The following SNTG2 variants were observed in gnomAD, a reference collection of about 807,000 sequenced individuals.
SNTG2 encodes gamma-2-syntrophin.
A neutral mutation model predicts 70.9 loss-of-function variants in SNTG2; 74 were observed. That is an observed-to-expected ratio of 1.04 (90% CI 0.86 to 1.27). The LOEUF is 1.27. Ranked by LOEUF, SNTG2 falls within the 50% of genes most tolerant of loss-of-function variation. The probability of loss-of-function intolerance (pLI) is 0.00; values close to 1 mark genes in which losing one functional copy is unlikely to be tolerated. For synonymous variants in SNTG2, 278 were observed against 273.8 expected, an observed-to-expected ratio of 1.02 and a Z score of -0.15; for missense variants, 717 against 690.7, an observed-to-expected ratio of 1.04 and a Z score of -0.43.
intron 4 of SNTG2, among the ~76,000 whole-genome samples, chr2:1,104,532 CAT>C (rs1360087765): frequency 1.3e-5 from 2 of 152,184 alleles, no homozygotes; most frequent in Non-Finnish European, 2.9e-5. Flanking sequence ...CTAATGTGCA[CAT>C]GTTTACCTAA....
At chr2:1,128,407 C>A (rs541397690) in intron 4 of SNTG2, among the ~76,000 whole-genome samples, 1 of 152,042 alleles carries the variant, frequency 6.6e-6, no homozygotes, top group Non-Finnish European at 1.5e-5. Context: ...AAAATGTATT[C>A]CATGGATTTG....
chr2:1,252,558 G>C (rs997825813), intron 12 of SNTG2, among the ~76,000 whole-genome samples: 1 of 152,166 alleles, frequency 6.6e-6, no homozygotes, highest in African/African-American at 2.4e-5. Flanking sequence ...GCCTGTGCTG[G>C]GCTCCTGCTG....
intron 16 of SNTG2, among the ~76,000 whole-genome samples, chr2:1,361,300 G>A (rs746886732): frequency 6.6e-6 from 1 of 151,518 alleles, no homozygotes; most frequent in African/African-American, 2.4e-5. Context: ...TGTGTAGCAC[G>A]AAATTCTCAT....
At chr2:1,001,796 C>T (rs923079634) in intron 1 of SNTG2, among the ~76,000 whole-genome samples, 1 of 151,942 alleles carries the variant, frequency 6.6e-6, no homozygotes, top group African/African-American at 2.4e-5. Flanking sequence ...AAAAAAGAGG[C>T]TGAATAGCCA....
chr2:1,296,521 C>T (rs1234782105), intron 14 of SNTG2, among the ~76,000 whole-genome samples: 2 of 152,218 alleles, frequency 1.3e-5, no homozygotes, highest in South Asian at 2.1e-4. Flanking sequence ...ATTAGTAAAA[C>T]TGAAAAATAC....
intron 9 of SNTG2, among the ~76,000 whole-genome samples, chr2:1,212,908 G>A (rs894706239): frequency 6.6e-6 from 1 of 152,138 alleles, no homozygotes; most frequent in African/African-American, 2.4e-5. Flanking sequence ...AATCAAACAG[G>A]TTTTAGAATC....
chr2:1,238,041 C>T (rs777031259), intron 10 of SNTG2, 24 bp downstream of exon 10: 1 of 1,599,376 alleles, frequency 6.3e-7, no homozygotes, highest in Non-Finnish European at 8.5e-7. Flanking sequence ...GTTTCTGAGT[C>T]TCTGCTGATG....
At chr2:979,299 T>G (rs1293553362) in intron 1 of SNTG2, among the ~76,000 whole-genome samples, 2 of 152,200 alleles carry the variant, frequency 1.3e-5, no homozygotes, top group South Asian at 2.1e-4. Flanking sequence ...CATTCCCCAG[T>G]ATTTAACAGT....
At chr2:1,112,125 T>C (rs867504071) in intron 4 of SNTG2, among the ~76,000 whole-genome samples, 8 of 151,436 alleles carry the variant, frequency 5.3e-5, no homozygotes, top group Non-Finnish European at 1.2e-4. Context: ...GATAATCATG[T>C]ATACTAAGTG....
intron 14 of SNTG2, among the ~76,000 whole-genome samples, chr2:1,278,311 C>A (rs1477881881): frequency 6.6e-6 from 1 of 152,050 alleles, no homozygotes; most frequent in Non-Finnish European, 1.5e-5. Context: ...AGTTACCGCA[C>A]CAGGTTGCTG....
intron 10 of SNTG2, among the ~76,000 whole-genome samples, chr2:1,238,743 G>A (rs953528621): frequency 3.9e-5 from 6 of 152,166 alleles, no homozygotes; most frequent in Non-Finnish European, 8.8e-5. Flanking sequence ...CCTCTAAGCT[G>A]AGTTGCCCTG....
intron 14 of SNTG2, among the ~76,000 whole-genome samples, chr2:1,294,749 T>G (rs528563207): frequency 6.6e-6 from 1 of 151,620 alleles, no homozygotes; most frequent in South Asian, 2.1e-4. Flanking sequence ...TGAGAAATTA[T>G]TGAACAAAAT....
At chr2:1,154,830 CAT>C (rs928843039) in intron 6 of SNTG2, among the ~76,000 whole-genome samples, 11 of 151,876 alleles carry the variant, frequency 7.2e-5, no homozygotes, top group South Asian at 6.2e-4. Flanking sequence ...ATACACCACA[CAT>C]ATACACACAC....
chr2:1,257,157 G>A (rs1205581336), intron 12 of SNTG2, among the ~76,000 whole-genome samples: 2 of 152,062 alleles, frequency 1.3e-5, no homozygotes. Flanking sequence ...TGTGGCTCAA[G>A]GGGACTTCCC....
intron 1 of SNTG2, among the ~76,000 whole-genome samples, chr2:1,030,805 T>C (rs1365009014): frequency 2.0e-5 from 3 of 152,240 alleles, no homozygotes; most frequent in Non-Finnish European, 4.4e-5. Context: ...GATTTCCTTT[T>C]TTCCTGTTGA....
chr2:1,290,056 T>C (rs62108111), intron 14 of SNTG2, among the ~76,000 whole-genome samples: 15,417 of 152,224 alleles, frequency 0.1, 872 homozygotes, highest in South Asian at 0.19. Context: ...GAGTTGTTTC[T>C]ACCTTTGGGC....
intron 13 of SNTG2, among the ~76,000 whole-genome samples, chr2:1,261,486 T>C (rs1678410607): frequency 6.6e-6 from 1 of 152,220 alleles, no homozygotes; most frequent in Admixed American, 6.5e-5. Context: ...ATGTGTTCTG[T>C]ATTTCAACAC....
intron 14 of SNTG2, among the ~76,000 whole-genome samples, chr2:1,305,692 G>A (rs1160402093): frequency 6.6e-6 from 1 of 152,226 alleles, no homozygotes; most frequent in East Asian, 1.9e-4. Context: ...GACACTCTAT[G>A]TGTCTGGGAG....
rs1167851176 is a variant in SNTG2, at chr2:1,353,206, A to C, written c.1489-14137A>C. Among the ~76,000 whole-genome samples the C allele has an allele frequency of 6.6e-6, 1 of 152,126 alleles. No homozygotes were observed. The highest frequency in any genetic ancestry group is 1.9e-4 in the East Asian group (1 of 5,170). On this transcript the variant is annotated intron_variant, in intron 16 of 16. Coordinates refer to ENST00000308624, the MANE Select transcript of SNTG2 (RefSeq NM_018968.4). The surrounding 1 kb of genome is among the most constrained non-coding windows in gnomAD (Gnocchi z 4.2). ...TGCACATCAGGCCCCCTCCATCCCC[A>C]GGACAGCCAGGTCACCTGTACACCA...
Sources: gnomAD v4.1 joint callset for allele counts (sites outside exome capture counted in the v4.1 genomes callset) on GRCh38, gnomAD v4.1.1 for gene constraint, Gnocchi (gnomAD v3.1) non-coding constraint, MANE v1.5 for transcripts, NCBI Gene and HGNC (gene_info 2026-07-23, HGNC 2026-07-21) for gene names.